MAGI2: variants seen among roughly 807,000 people sequenced by gnomAD.
MAGI2 encodes membrane-associated guanylate kinase, WW and PDZ domain-containing protein 2.
MAGI2 carries 35 observed loss-of-function variants against 133.3 expected under a neutral mutation model. That is an observed-to-expected ratio of 0.26 (90% CI 0.20 to 0.35). The LOEUF is 0.35. Ranked by LOEUF, MAGI2 falls within the 10% of genes least tolerant of loss-of-function variation. The probability of loss-of-function intolerance (pLI) is 1.00; values close to 1 mark genes in which losing one functional copy is unlikely to be tolerated. For missense variants in MAGI2, 1,636 were observed against 1,863.4 expected, an observed-to-expected ratio of 0.88 and a Z score of 2.25; for synonymous variants, 729 against 710.6, an observed-to-expected ratio of 1.03 and a Z score of -0.41.
At chr7:79,013,935 C>A (rs926104424) in intron 1 of MAGI2, among the ~76,000 whole-genome samples, 2 of 152,000 alleles carry the variant, frequency 1.3e-5, no homozygotes, top group African/African-American at 4.8e-5. Context: ...AATTTCTATC[C>A]CTTCAATATT....
At chr7:78,610,186 G>A (rs536823187) in intron 3 of MAGI2, among the ~76,000 whole-genome samples, 5 of 152,264 alleles carry the variant, frequency 3.3e-5, no homozygotes, top group Admixed American at 2.0e-4. Context: ...TGCCCCAGCT[G>A]TGCAAAGTAT....
intron 1 of MAGI2, among the ~76,000 whole-genome samples, chr7:79,076,105 C>T (rs1219182722): frequency 6.6e-6 from 1 of 152,176 alleles, no homozygotes; most frequent in Non-Finnish European, 1.5e-5. Context: ...ACCTTTCATA[C>T]TCAAACTTTG....
At chr7:78,194,290 G>A (rs1828511243) in intron 12 of MAGI2, among the ~76,000 whole-genome samples, 1 of 152,218 alleles carries the variant, frequency 6.6e-6, no homozygotes, top group South Asian at 2.1e-4. Context: ...CTTCAGATAG[G>A]GTGACAAGTG....
At chr7:78,649,270 A>C (rs1293865789) in intron 2 of MAGI2, among the ~76,000 whole-genome samples, 1 of 150,470 alleles carries the variant, frequency 6.6e-6, no homozygotes, top group African/African-American at 2.5e-5. Flanking sequence ...ACACTTTTTA[A>C]AAATTTGCAT....
In MAGI2 at chr7:78,498,454, T is replaced by C. The variant is rs117287986; in HGVS notation, c.965+3123A>G. Reference sequence around the variant, plus strand: ...AGAAGCAAAGGTTCTCACAGATCAATGACAATGGGTGGGAATGTTGATTTA... The same window carrying C: ...AGAAGCAAAGGTTCTCACAGATCAACGACAATGGGTGGGAATGTTGATTTA... On this transcript the variant is annotated intron_variant, in intron 5 of 21. Coordinates refer to ENST00000354212, the MANE Select transcript of MAGI2 (RefSeq NM_012301.4). 8.8e-3 allele frequency among the ~76,000 whole-genome samples: 1,347 copies of C among 152,238 alleles called. 10 individuals are homozygous for C. Among genetic ancestry groups the C allele is most frequent in the South Asian group, 0.013 (65 of 4,824 alleles).
chr7:78,029,714 A>C (rs199915512), intron 21 of MAGI2, among the ~76,000 whole-genome samples: 2 of 100,770 alleles, frequency 2.0e-5, no homozygotes, highest in African/African-American at 9.6e-5. Flanking sequence ...CACTGCATGA[A>C]GAAGTGGTGT....
chr7:79,177,836 T>C (rs1280610195), intron 1 of MAGI2, among the ~76,000 whole-genome samples: 3 of 152,080 alleles, frequency 2.0e-5, no homozygotes. Flanking sequence ...TACCACAAAT[T>C]GCTATCTTAA....
intron 6 of MAGI2, among the ~76,000 whole-genome samples, chr7:78,381,067 C>A (rs559164233): frequency 6.6e-6 from 1 of 152,088 alleles, no homozygotes; most frequent in African/African-American, 2.4e-5. Flanking sequence ...CAAAATGAGG[C>A]TAGGTACAGT....
At chr7:78,784,209 T>TC (rs1294345769) in intron 2 of MAGI2, among the ~76,000 whole-genome samples, 3 of 151,714 alleles carry the variant, frequency 2.0e-5, no homozygotes, top group African/African-American at 7.3e-5. Flanking sequence ...TTAGGTTTTT[T>TC]TTTTTTTCTT....
chr7:79,418,363 T>A (rs1399567888), intron 1 of MAGI2, among the ~76,000 whole-genome samples: 3 of 152,116 alleles, frequency 2.0e-5, no homozygotes, highest in Non-Finnish European at 2.9e-5. Flanking sequence ...AAACTAATAA[T>A]GTTGGTAGCT....
intron 20 of MAGI2, among the ~76,000 whole-genome samples, chr7:78,082,561 C>T (rs1462468288): frequency 6.6e-6 from 1 of 152,164 alleles, no homozygotes; most frequent in East Asian, 1.9e-4. Flanking sequence ...TATGCCCTTT[C>T]CCCATTCCAG....
chr7:79,261,636 T>C (rs1834098452), intron 1 of MAGI2, among the ~76,000 whole-genome samples: 1 of 152,166 alleles, frequency 6.6e-6, no homozygotes. Flanking sequence ...CATATTCCTC[T>C]ATTCCCCTCC....
intron 6 of MAGI2, among the ~76,000 whole-genome samples, chr7:78,488,049 G>A (rs904388912): frequency 6.6e-6 from 1 of 152,002 alleles, no homozygotes; most frequent in Non-Finnish European, 1.5e-5. Context: ...CAAACTAGAT[G>A]TTAGTTTCCA....
intron 3 of MAGI2, chr7:78,617,996 T>C (rs757911376): frequency 1.4e-4 from 21 of 152,032 alleles, no homozygotes; most frequent in South Asian, 6.2e-4. Context: ...CTTTTTCAGA[T>C]TTTAAATTCA....
At chr7:78,601,109 G>C (rs1294448264) in intron 3 of MAGI2, among the ~76,000 whole-genome samples, 1 of 152,122 alleles carries the variant, frequency 6.6e-6, no homozygotes, top group African/African-American at 2.4e-5. Flanking sequence ...TCACATTTTA[G>C]AGTAAAACAA....
chr7:78,935,322 C>T (rs575141127), intron 2 of MAGI2, among the ~76,000 whole-genome samples: 1 of 152,054 alleles, frequency 6.6e-6, no homozygotes, highest in Non-Finnish European at 1.5e-5. Context: ...ATTTATGATT[C>T]TTTTCTTCCT....
intron 1 of MAGI2, among the ~76,000 whole-genome samples, chr7:79,282,385 C>A (rs1270724431): frequency 6.6e-6 from 1 of 152,132 alleles, no homozygotes; most frequent in African/African-American, 2.4e-5. Flanking sequence ...AGCTTCTCAT[C>A]TACATCCTTG....
intron 1 of MAGI2, among the ~76,000 whole-genome samples, chr7:79,009,938 T>C (rs1352022426): frequency 2.0e-5 from 3 of 152,096 alleles, no homozygotes; most frequent in African/African-American, 4.8e-5. Context: ...TTTCTTGTTA[T>C]ATGAGAAAAA....
intron 1 of MAGI2, among the ~76,000 whole-genome samples, chr7:79,071,722 C>A (rs905496642): frequency 1.1e-4 from 17 of 151,862 alleles, no homozygotes; most frequent in Non-Finnish European, 4.4e-5. Context: ...GTGGTGGGCT[C>A]CACCCAGTTC....
Sources: gnomAD v4.1 joint callset for allele counts (sites outside exome capture counted in the v4.1 genomes callset) on GRCh38, gnomAD v4.1.1 for gene constraint, MANE v1.5 for transcripts, NCBI Gene and HGNC (gene_info 2026-07-23, HGNC 2026-07-21) for gene names.